The following DLG2 variants were observed in gnomAD, a reference collection of about 807,000 sequenced individuals.
DLG2 encodes the protein discs large MAGUK scaffold protein 2.
A neutral mutation model predicts 132.5 loss-of-function variants in DLG2; 45 were observed. The ratio of observed to expected loss-of-function variants is 0.34; its 90% CI spans 0.27 to 0.44. The LOEUF is 0.44. DLG2 is among the 20% of genes least tolerant of loss of function. The pLI is 1.00. For missense variants in DLG2, 1,045 were observed against 1,196.9 expected (o/e 0.87, Z 1.87); for synonymous variants, 424 against 419.6 (o/e 1.01, Z -0.13).
At chr11:84,426,745 G>C (rs758889478) in intron 7 of DLG2, among the ~76,000 whole-genome samples, 31 of 152,106 alleles carry the variant, frequency 2.0e-4, no homozygotes, top group Admixed American at 3.9e-4. Flanking sequence ...ACATTTATCA[G>C]CTGGAAGATA....
intron 7 of DLG2, among the ~76,000 whole-genome samples, chr11:84,523,186 T>C (rs1394802037): frequency 1.3e-5 from 2 of 152,232 alleles, no homozygotes; most frequent in Non-Finnish European, 2.9e-5. Flanking sequence ...ACACACTTTC[T>C]ATTTTTTTAA....
chr11:84,292,857 G>T (rs1292335969), intron 7 of DLG2, among the ~76,000 whole-genome samples: 2 of 151,994 alleles, frequency 1.3e-5, no homozygotes, highest in Admixed American at 6.6e-5. Context: ...GGAAGAAGAA[G>T]AATTATCTTG....
At chr11:83,880,012 C>G (rs1283205340) in intron 15 of DLG2, among the ~76,000 whole-genome samples, 1 of 152,080 alleles carries the variant, frequency 6.6e-6, no homozygotes, top group African/African-American at 2.4e-5. Flanking sequence ...AAGAGCATGA[C>G]CAAGATCATG....
At chr11:85,544,567 A>G (rs915257603) in intron 3 of DLG2, among the ~76,000 whole-genome samples, 65 of 152,320 alleles carry the variant, frequency 4.3e-4, no homozygotes, top group African/African-American at 1.5e-3. Context: ...CACTGAATCT[A>G]TAAATTACTT....
intron 6 of DLG2, among the ~76,000 whole-genome samples, chr11:84,648,855 T>C (rs2099678120): frequency 1.3e-5 from 2 of 152,240 alleles, no homozygotes; most frequent in South Asian, 2.1e-4. Context: ...GTCATGCTTC[T>C]TGTACAGCCT....
intron 6 of DLG2, among the ~76,000 whole-genome samples, chr11:84,649,023 A>T (rs1158496483): frequency 6.6e-6 from 1 of 152,146 alleles, no homozygotes; most frequent in South Asian, 2.1e-4. Context: ...TAAAATGTGA[A>T]TTTTTACAAA....
rs139999424 is a variant in DLG2, at chr11:84,368,762, T to C, written c.520-117471A>G. ...AATGAGATAATGCATGAAAGTTTAG[T>C]AGAGTTCTGCTTTATAATAAGTACT... On this transcript the variant is annotated intron_variant, in intron 7 of 27. Coordinates refer to ENST00000376104, the MANE Select transcript of DLG2 (RefSeq NM_001142699.3). Among the ~76,000 whole-genome samples, 43 of 152,270 alleles carry C rather than the reference T, an allele frequency of 2.8e-4. 1 individual carries two copies. In the East Asian group the frequency reaches 8.3e-3, roughly 29 times the overall value.
At chr11:83,687,464 G>A (rs577294421) in intron 18 of DLG2, among the ~76,000 whole-genome samples, 3 of 152,268 alleles carry the variant, frequency 2.0e-5, no homozygotes, top group Non-Finnish European at 4.4e-5. Context: ...AGAGCAGACT[G>A]AGAAAAGGAA....
intron 6 of DLG2, among the ~76,000 whole-genome samples, chr11:85,050,118 TCACA>T (rs33991615): frequency 1.1e-3 from 150 of 136,812 alleles, no homozygotes; most frequent in East Asian, 2.4e-3. Context: ...CACTGTGTCA[TCACA>T]CACACACACA....
chr11:84,344,101 A>G (rs1001354848), intron 7 of DLG2, among the ~76,000 whole-genome samples: 1 of 152,208 alleles, frequency 6.6e-6, no homozygotes, highest in African/African-American at 2.4e-5. Context: ...TCAGAGAAGA[A>G]TGAAGAAATA....
At chr11:83,624,451 A>G (rs2062148266) in intron 19 of DLG2, among the ~76,000 whole-genome samples, 1 of 152,242 alleles carries the variant, frequency 6.6e-6, no homozygotes, top group Non-Finnish European at 1.5e-5. Context: ...TTTATTCCAC[A>G]ATTAAGGATA....
At chr11:85,343,461 C>A (rs561027180) in intron 3 of DLG2, among the ~76,000 whole-genome samples, 11 of 152,198 alleles carry the variant, frequency 7.2e-5, no homozygotes, top group African/African-American at 2.2e-4. Context: ...TAATACCATG[C>A]CTGACTCATG....
At position 83,702,876 on chromosome 11, in the gene DLG2, A is replaced by G. The variant is rs534394512; in HGVS notation, c.1826-69551T>C. Among the ~76,000 whole-genome samples the G allele has an allele frequency of 1.8e-4, 28 of 152,260 alleles. 1 individual carries two copies. Among genetic ancestry groups the G allele is most frequent in the Non-Finnish European group, 7.3e-5 (5 of 68,042 alleles). ...AAATACAGCAATTTTTCTGCAGTCC[A>G]TACAAATTTTATTAGTTAAGGAGGT... On this transcript the variant is annotated intron_variant, in intron 18 of 27. Transcript: ENST00000376104.
At chr11:84,575,157 TA>T (rs2099496326) in intron 6 of DLG2, among the ~76,000 whole-genome samples, 1 of 152,184 alleles carries the variant, frequency 6.6e-6, no homozygotes, top group African/African-American at 2.4e-5. Flanking sequence ...ACCGGCTTTG[TA>T]AACACCTTCA....
intron 7 of DLG2, among the ~76,000 whole-genome samples, chr11:84,356,462 G>T (rs1393864829): frequency 6.6e-6 from 1 of 152,026 alleles, no homozygotes; most frequent in South Asian, 2.1e-4. Flanking sequence ...ATGGCATTTG[G>T]AAACAAGACT....
intron 16 of DLG2, among the ~76,000 whole-genome samples, chr11:83,847,843 T>A (rs1422897314): frequency 6.6e-6 from 1 of 152,212 alleles, no homozygotes; most frequent in Non-Finnish European, 1.5e-5. Context: ...TGTTAGGTCC[T>A]CTCCAACTTG....
intron 9 of DLG2, among the ~76,000 whole-genome samples, chr11:84,162,088 A>C (rs2095558714): frequency 6.6e-6 from 1 of 152,294 alleles, no homozygotes; most frequent in African/African-American, 2.4e-5. Flanking sequence ...ATATAAATTA[A>C]AGTGCAGGTC....
chr11:85,553,010 A>C (rs1389702901), intron 3 of DLG2, among the ~76,000 whole-genome samples: 1 of 151,792 alleles, frequency 6.6e-6, no homozygotes, highest in Non-Finnish European at 1.5e-5. Context: ...TACTAAAAGC[A>C]ACCTCAGAGA....
intron 15 of DLG2, among the ~76,000 whole-genome samples, chr11:83,928,680 T>C (rs532323370): frequency 2.0e-5 from 3 of 152,260 alleles, no homozygotes; most frequent in African/African-American, 7.2e-5. Flanking sequence ...TGTCACTTAC[T>C]AATGGATGAT....
Sources: gnomAD v4.1 joint callset for allele counts (sites outside exome capture counted in the v4.1 genomes callset) on GRCh38, gnomAD v4.1.1 for gene constraint, MANE v1.5 for transcripts, NCBI Gene and HGNC (gene_info 2026-07-23, HGNC 2026-07-21) for gene names.